Variants in STRN observed in about 807,000 individuals in gnomAD.
The protein encoded by STRN is protein phosphatase 2 regulatory subunit B'''alpha.
In STRN, 53 loss-of-function variants were observed where a neutral mutation model predicts 96.3. The observed-to-expected ratio is 0.55, with a 90% CI of 0.44 to 0.69. STRN has a LOEUF of 0.69. Ranked by LOEUF, STRN falls within the 30% of genes least tolerant of loss-of-function variation. STRN has a pLI of 0.00. For missense variants in STRN, 987 were observed against 963.9 expected, an observed-to-expected ratio of 1.02 and a Z score of -0.32; for synonymous variants, 428 against 355.9, an observed-to-expected ratio of 1.20 and a Z score of -2.28.
At chr2:36,911,685 C>T (rs1449623242) in intron 3 of STRN, among the ~76,000 whole-genome samples, 6 of 152,178 alleles carry the variant, frequency 3.9e-5, no homozygotes, top group Admixed American at 3.3e-4. Context: ...TCACTTCCTT[C>T]CCTCTGTAGT....
intron 7 of STRN, among the ~76,000 whole-genome samples, chr2:36,888,514 T>G (rs1451961719): frequency 6.6e-6 from 1 of 152,164 alleles, no homozygotes; most frequent in East Asian, 1.9e-4. Flanking sequence ...GCATTTGCAC[T>G]GGCTTTCTTC....
At chr2:36,947,281 C>G (rs1664599692) in intron 1 of STRN, among the ~76,000 whole-genome samples, 1 of 152,054 alleles carries the variant, frequency 6.6e-6, no homozygotes, top group African/African-American at 2.4e-5. Flanking sequence ...TTACTAATAA[C>G]TACCTGAGTT....
intron 2 of STRN, among the ~76,000 whole-genome samples, chr2:36,921,916 G>C (rs910976451): frequency 2.0e-5 from 3 of 150,816 alleles, no homozygotes; most frequent in Admixed American, 6.6e-5. Context: ...TCCTGGACCA[G>C]GAAAAAAAAA....
intron 1 of STRN, among the ~76,000 whole-genome samples, chr2:36,957,700 C>T (rs1363172366): frequency 6.8e-6 from 1 of 148,132 alleles, no homozygotes; most frequent in Non-Finnish European, 1.5e-5. Context: ...AAGAAGATAC[C>T]TTTATTTGAG....
chr2:36,863,768 T>C (rs544668427), intron 12 of STRN, among the ~76,000 whole-genome samples: 1 of 152,384 alleles, frequency 6.6e-6, no homozygotes, highest in African/African-American at 2.4e-5. Context: ...ATTTTAACAA[T>C]AGATTCTTTC....
Position 36,893,925 on chromosome 2 carries a change from T to C in STRN, c.904A>G (p.Arg302Gly), listed in dbSNP as rs1473916792. 3 of 1,613,356 alleles carry C rather than the reference T, an allele frequency of 1.9e-6. No homozygotes were observed. The highest frequency in any genetic ancestry group is 1.7e-5 in the Admixed American group (1 of 59,888). ...VTSEEGDNES[R>G]SAGDGTDWEK... is the part of the protein sequence containing the mutation. ...CAGTCTGTTCCATCGCCTGCACTTC[T>C]AGATTCATTGTCTCCTTCCTCTGAT... is the stretch of plus-strand genomic sequence containing the variant. The change falls in exon 7 of 18, where the codon AGA becomes GGA. Residue 302 changes from arginine (R) to glycine (G), a missense_variant. Arg to Gly is a moderately radical substitution (Grantham distance 125, BLOSUM62 -2). Coordinates refer to ENST00000263918, the MANE Select transcript of STRN (RefSeq NM_003162.4).
intron 1 of STRN, among the ~76,000 whole-genome samples, chr2:36,930,204 G>C (rs879875036): frequency 5.3e-5 from 8 of 152,160 alleles, no homozygotes; most frequent in Admixed American, 5.2e-4. Context: ...GACCGAGGCA[G>C]GTGGATCACC....
chr2:36,887,502 C>G (rs1224570733), intron 7 of STRN, among the ~76,000 whole-genome samples: 6 of 151,588 alleles, frequency 4.0e-5, no homozygotes, highest in African/African-American at 1.5e-4. Flanking sequence ...AACAGAACTT[C>G]TCGTTTTCAG....
In STRN at chr2:36,858,073, G is replaced by A. The variant is rs149917143; in HGVS notation, c.1670-50C>T. The A allele has an allele frequency of 1.4e-5, 21 of 1,466,818 alleles. No homozygotes were observed. In the East Asian group the frequency reaches 5.0e-4, roughly 35 times the overall value. The allele number at this position is 1,466,818 out of a possible 1,614,324, so 90.9% of individuals were successfully genotyped here. A position where few individuals can be genotyped will look rare whatever the true frequency, so the allele number is the denominator to read the frequency against. On this transcript the variant is annotated intron_variant, in intron 13 of 17. Transcript: ENST00000263918. ...AATCAGGAGAAAAACAACCACAAAGGTACTTAGATTTCAGAGAAAGTAAAA... is the reference window on the plus strand; with the variant it reads ...AATCAGGAGAAAAACAACCACAAAGATACTTAGATTTCAGAGAAAGTAAAA...
chr2:36,885,738 A>G (rs551715224), intron 8 of STRN, among the ~76,000 whole-genome samples: 33 of 152,302 alleles, frequency 2.2e-4, no homozygotes, highest in Middle Eastern at 6.8e-3. Context: ...AATAAGCTTT[A>G]GCATCACTAC....
chr2:36,859,635 C>G (rs939222377), intron 13 of STRN, among the ~76,000 whole-genome samples: 1 of 152,158 alleles, frequency 6.6e-6, no homozygotes, highest in Non-Finnish European at 1.5e-5. Flanking sequence ...TTCAGTCTCT[C>G]AAGGAATGTT....
intron 10 of STRN, among the ~76,000 whole-genome samples, chr2:36,870,528 T>C (rs1668736886): frequency 6.6e-6 from 1 of 152,166 alleles, no homozygotes; most frequent in Admixed American, 6.6e-5. Flanking sequence ...AAAATTATAA[T>C]GAAGCTGAAA....
intron 2 of STRN, among the ~76,000 whole-genome samples, chr2:36,917,752 T>G (rs970518959): frequency 7.9e-5 from 12 of 152,068 alleles, no homozygotes; most frequent in Non-Finnish European, 1.3e-4. Flanking sequence ...GATGGGTACA[T>G]GAGTATTTTT....
At chr2:36,922,019 T>C (rs1210838603) in intron 2 of STRN, among the ~76,000 whole-genome samples, 4 of 152,192 alleles carry the variant, frequency 2.6e-5, no homozygotes, top group South Asian at 2.1e-4. Context: ...TAATATACTA[T>C]AATCATATAA....
chr2:36,893,048 A>G (rs1572653598), intron 7 of STRN, among the ~76,000 whole-genome samples: 1 of 152,008 alleles, frequency 6.6e-6, no homozygotes, highest in Admixed American at 6.6e-5. Flanking sequence ...AGCCCGGGTG[A>G]CAGAGTGAGA....
chr2:36,956,944 T>C (rs1248927474), intron 1 of STRN, among the ~76,000 whole-genome samples: 1 of 152,176 alleles, frequency 6.6e-6, no homozygotes, highest in African/African-American at 2.4e-5. Context: ...GGACAAAATA[T>C]TTTCACAATT....
rs368655057 is a variant in STRN at position 36,946,540 on chromosome 2, C to G, written c.234+19690G>C. 6.0e-4 allele frequency among the ~76,000 whole-genome samples: 92 copies of G among 152,200 alleles called. 1 individual carries two copies. The highest frequency in any genetic ancestry group is 2.1e-3 in the African/African-American group (86 of 41,524). On this transcript the variant is annotated intron_variant, in intron 1 of 17. Transcript: ENST00000263918. ...ACATCCCAATTATTACCAAGGTAAG[C>G]GCAAGCTCAATAAAAATCCCACGTG... is the stretch of plus-strand genomic sequence containing the variant.
At chr2:36,947,517 T>A (rs528525958) in intron 1 of STRN, among the ~76,000 whole-genome samples, 1 of 149,876 alleles carries the variant, frequency 6.7e-6, no homozygotes, top group African/African-American at 2.4e-5. Flanking sequence ...CCAGTGAATA[T>A]AACTCAATTT....
At chr2:36,923,140 G>GAA (rs1165771368) in intron 2 of STRN, among the ~76,000 whole-genome samples, 6 of 121,432 alleles carry the variant, frequency 4.9e-5, no homozygotes, top group African/African-American at 1.5e-4. Context: ...AACTCCGTCT[G>GAA]AAAAAAAAAA....
Sources: allele counts gnomAD v4.1 joint callset (sites outside exome capture counted in the v4.1 genomes callset), GRCh38; gene constraint gnomAD v4.1.1; transcripts MANE v1.5; gene names NCBI Gene and HGNC (gene_info 2026-07-23, HGNC 2026-07-21).